The following UGGT2 variants were observed in gnomAD, a reference collection of about 807,000 sequenced individuals.
The protein encoded by UGGT2 is UDP-glucose:glycoprotein glucosyltransferase 2.
A neutral mutation model predicts 192.1 loss-of-function variants in UGGT2; 180 were observed. The ratio of observed to expected loss-of-function variants is 0.94; its 90% CI spans 0.83 to 1.06. UGGT2 has a LOEUF of 1.06. Among genes scored for constraint, UGGT2 ranks in the 50% least tolerant of loss-of-function variants. The probability of loss-of-function intolerance (pLI) is 0.00; values close to 1 mark genes in which losing one functional copy is unlikely to be tolerated. For synonymous variants in UGGT2, 580 were observed against 591.0 expected (o/e 0.98, Z 0.27); for missense variants, 1,849 against 1,795.7 (o/e 1.03, Z -0.54).
chr13:95,818,569 AC>A (rs1885162132), intron 38 of UGGT2, among the ~76,000 whole-genome samples: 1 of 152,168 alleles, frequency 6.6e-6, no homozygotes, highest in African/African-American at 2.4e-5. Context: ...TGGAAGAGAA[AC>A]ATGTTAAGGG....
chr13:95,893,948 T>C (rs2047876707), intron 24 of UGGT2, among the ~76,000 whole-genome samples: 1 of 152,178 alleles, frequency 6.6e-6, no homozygotes, highest in Admixed American at 6.5e-5. Flanking sequence ...CCAGGCTAAA[T>C]CATATTTTCC....
intron 36 of UGGT2, among the ~76,000 whole-genome samples, chr13:95,844,193 C>T (rs1464621883): frequency 1.3e-5 from 2 of 152,136 alleles, no homozygotes; most frequent in Admixed American, 1.3e-4. Context: ...AACTCCTGAC[C>T]TCAAGTGATC....
At chr13:95,961,747 A>G (rs1411908010) in intron 12 of UGGT2, among the ~76,000 whole-genome samples, 1 of 152,136 alleles carries the variant, frequency 6.6e-6, no homozygotes, top group Non-Finnish European at 1.5e-5. Context: ...AGACTTTAGA[A>G]ATTTACCCAA....
chr13:95,927,850 C>A (rs7336373), intron 17 of UGGT2, among the ~76,000 whole-genome samples: 58,750 of 151,804 alleles, frequency 0.39, 11,546 homozygotes, highest in Middle Eastern at 0.42. Context: ...ACTTGAGATT[C>A]GGGAGTGGTG....
At chr13:95,811,635 G>A (rs560367079) in intron 38 of UGGT2, among the ~76,000 whole-genome samples, 35 of 152,008 alleles carry the variant, frequency 2.3e-4, no homozygotes, top group Non-Finnish European at 3.8e-4. Context: ...ATAACAAAGC[G>A]GTAGATAATT....
chr13:95,993,411 T>TA (rs1264819984), intron 7 of UGGT2, among the ~76,000 whole-genome samples: 1 of 151,850 alleles, frequency 6.6e-6, no homozygotes, highest in Non-Finnish European at 1.5e-5. Flanking sequence ...AAAATAAAAT[T>TA]AAATTAAAAT....
At position 95,875,896 on chromosome 13, in the gene UGGT2, G is replaced by A. The variant is rs151311269; in HGVS notation, c.3473+1383C>T. ...AGCACAACGTGTGGTATAATAAAAG[G>A]TGCTCAGTAAGTATTTATTGAAAGC... On this transcript the variant is annotated intron_variant, in intron 29 of 38. Coordinates refer to ENST00000376747, the MANE Select transcript of UGGT2 (RefSeq NM_020121.4). 3.5e-3 allele frequency among the ~76,000 whole-genome samples: 535 copies of A among 152,186 alleles called. 6 individuals are homozygous for A. The highest frequency in any genetic ancestry group is 0.012 in the African/African-American group (506 of 41,534).
intron 24 of UGGT2, among the ~76,000 whole-genome samples, chr13:95,894,257 A>G (rs969424333): frequency 3.3e-5 from 5 of 152,332 alleles, no homozygotes; most frequent in African/African-American, 1.2e-4. Flanking sequence ...AATATTATTT[A>G]TGACTATCTT....
intron 36 of UGGT2, among the ~76,000 whole-genome samples, chr13:95,843,432 T>G (rs1888070766): frequency 6.6e-6 from 1 of 152,182 alleles, no homozygotes; most frequent in Non-Finnish European, 1.5e-5. Context: ...TCAATCTGAT[T>G]CTTTAACAAA....
intron 21 of UGGT2, among the ~76,000 whole-genome samples, chr13:95,902,651 G>C (rs1296544656): frequency 1.3e-5 from 2 of 151,738 alleles, no homozygotes; most frequent in Non-Finnish European, 2.9e-5. Context: ...AGTAGTTAAT[G>C]AAACATATGA....
rs780638055 is a variant in UGGT2 at position 95,986,434 on chromosome 13, T to C, written c.932-2A>G. The C allele has an allele frequency of 3.8e-6, 6 of 1,573,602 alleles. No individual in the cohort carries two copies. The highest frequency in any genetic ancestry group is 5.2e-6 in the Non-Finnish European group (6 of 1,147,512). ...GAGAAGCTGCTTGAAAACTAAGATC[T>C]GGAAGGAAAAATATTATTAAGGAAT... On this transcript the variant is annotated splice_acceptor_variant, in intron 8 of 38. Coordinates refer to ENST00000376747, the MANE Select transcript of UGGT2 (RefSeq NM_020121.4). LOFTEE classifies it high-confidence loss of function.
intron 30 of UGGT2, among the ~76,000 whole-genome samples, chr13:95,865,832 T>C (rs1424123971): frequency 2.0e-5 from 3 of 152,226 alleles, no homozygotes; most frequent in Admixed American, 6.5e-5. Flanking sequence ...AGTTTACTTT[T>C]ATTTATCCAA....
chr13:95,899,126 T>C (rs775982573), intron 22 of UGGT2, among the ~76,000 whole-genome samples: 4 of 152,136 alleles, frequency 2.6e-5, no homozygotes, highest in Admixed American at 1.3e-4. Context: ...CTTTCCACCA[T>C]GTAAAAACAG....
In UGGT2 at chr13:96,023,714, T is replaced by C; in HGVS notation, c.287A>G (p.Gln96Arg). The C allele has an allele frequency of 6.2e-7, 1 of 1,610,186 alleles. No homozygotes were observed. Among genetic ancestry groups the C allele is most frequent in the Non-Finnish European group, 8.5e-7 (1 of 1,177,254 alleles). ...GTTGATGTGTAAATTGTCTAGAAAC[T>C]GTCCAGCTTTCTTCAGGATTAAGTT... ...YYNLILKKAGQFLDNLHINLL... is the reference protein window; with the variant it reads ...YYNLILKKAGRFLDNLHINLL... Residue 96 changes from glutamine to arginine, a missense_variant, in exon 3 of 39, where the codon CAG becomes CGG. Physicochemically the swap from Gln to Arg is conservative, Grantham distance 43. Coordinates refer to ENST00000376747, the MANE Select transcript of UGGT2 (RefSeq NM_020121.4).
chr13:96,044,820 GAAC>G (rs1184393970), intron 1 of UGGT2, among the ~76,000 whole-genome samples: 1 of 152,034 alleles, frequency 6.6e-6, no homozygotes. Flanking sequence ...ACCCTGAACA[GAAC>G]AATAGTAAGC....
At chr13:96,029,067 T>A (rs2052751512) in intron 2 of UGGT2, among the ~76,000 whole-genome samples, 1 of 151,870 alleles carries the variant, frequency 6.6e-6, no homozygotes, top group Non-Finnish European at 1.5e-5. Flanking sequence ...GGGAGAATGG[T>A]GTGAACCCAG....
chr13:96,018,968 T>C (rs1272029338), intron 4 of UGGT2, among the ~76,000 whole-genome samples: 1 of 151,438 alleles, frequency 6.6e-6, no homozygotes, highest in Non-Finnish European at 1.5e-5. Flanking sequence ...AAAATATTTA[T>C]ATTACTATAC....
chr13:95,908,078 T>C (rs933106951), intron 20 of UGGT2, among the ~76,000 whole-genome samples: 2 of 152,150 alleles, frequency 1.3e-5, no homozygotes, highest in Non-Finnish European at 2.9e-5. Context: ...CTGAAAACCA[T>C]GGCATGAGAA....
At chr13:95,866,070 TTTTC>T (rs1005719001) in intron 30 of UGGT2, among the ~76,000 whole-genome samples, 1 of 152,142 alleles carries the variant, frequency 6.6e-6, no homozygotes, top group Non-Finnish European at 1.5e-5. Flanking sequence ...CTCTTCTATA[TTTTC>T]TTTTTTTCCT....
Sources: gnomAD v4.1 joint callset for allele counts (sites outside exome capture counted in the v4.1 genomes callset) on GRCh38, gnomAD v4.1.1 for gene constraint, MANE v1.5 for transcripts, NCBI Gene and HGNC (gene_info 2026-07-23, HGNC 2026-07-21) for gene names.